The following SLC8A1 variants were observed in gnomAD, a reference collection of about 807,000 sequenced individuals.
SLC8A1 encodes the protein sodium/calcium exchanger 1.
In SLC8A1, 18 loss-of-function variants were observed where a neutral mutation model predicts 68.3. That is an observed-to-expected ratio of 0.26 (90% CI 0.18 to 0.39). The LOEUF (loss-of-function observed/expected upper bound fraction) is 0.39, where lower values mean the gene tolerates loss of function less well. SLC8A1 is among the 10% of genes least tolerant of loss of function. SLC8A1 has a pLI of 1.00. For synonymous variants in SLC8A1, 475 were observed against 415.5 expected (o/e 1.14, Z -1.74); for missense variants, 985 against 1,156.7 (o/e 0.85, Z 2.15).
chr2:40,186,075 T>A (rs1030872412), intron 2 of SLC8A1, among the ~76,000 whole-genome samples: 1 of 152,184 alleles, frequency 6.6e-6, no homozygotes, highest in South Asian at 2.1e-4. Flanking sequence ...TGGTGGCTGT[T>A]ACCTCAGGCT....
intron 4 of SLC8A1, among the ~76,000 whole-genome samples, chr2:40,166,093 G>A (rs2046505169): frequency 6.6e-6 from 1 of 152,136 alleles, no homozygotes; most frequent in South Asian, 2.1e-4. Flanking sequence ...GCAATAAAAG[G>A]GATGTTTGGT....
At chr2:40,384,179 C>G (rs1274102180) in intron 2 of SLC8A1, among the ~76,000 whole-genome samples, 1 of 151,952 alleles carries the variant, frequency 6.6e-6, no homozygotes, top group East Asian at 1.9e-4. Flanking sequence ...TCACATGAAT[C>G]CCAGGAGTTG....
chr2:40,251,873 C>CATTCAATATACATCGGGTATTATGAATA (rs1558958659), intron 2 of SLC8A1: 1 of 152,140 alleles, frequency 6.6e-6, no homozygotes, highest in Non-Finnish European at 1.5e-5. Flanking sequence ...TATTTTCATT[C>CATTCAATATACATCGGGTATTATGAATA]ATTCAATATA....
chr2:40,500,632 A>G (rs1223880025), intron 1 of SLC8A1, among the ~76,000 whole-genome samples: 4 of 151,966 alleles, frequency 2.6e-5, no homozygotes, highest in Admixed American at 6.6e-5. Flanking sequence ...GAGGCTTTTA[A>G]TTAGGGAAAA....
chr2:40,253,096 TATATAC>T, intron 2 of SLC8A1, among the ~76,000 whole-genome samples: 1 of 109,600 alleles, frequency 9.1e-6, no homozygotes, highest in African/African-American at 4.0e-5. Context: ...GTATATAGTA[TATATAC>T]ATATATACGT....
chr2:40,184,793 G>C (rs395987), intron 2 of SLC8A1, among the ~76,000 whole-genome samples: 112,525 of 151,078 alleles, frequency 0.74, 42,557 homozygotes, highest in Middle Eastern at 0.83. Flanking sequence ...AACCTGGCAA[G>C]TTCTCTGACC....
At chr2:40,377,437 C>T (rs1321880308) in intron 2 of SLC8A1, among the ~76,000 whole-genome samples, 3 of 152,040 alleles carry the variant, frequency 2.0e-5, no homozygotes, top group Non-Finnish European at 4.4e-5. Flanking sequence ...AGATAACAAA[C>T]GTATGTTGTT....
intron 1 of SLC8A1, among the ~76,000 whole-genome samples, chr2:40,449,161 C>A (rs1440970668): frequency 2.2e-4 from 30 of 137,108 alleles, no homozygotes; most frequent in African/African-American, 4.5e-4. Context: ...AAAAAAAAAA[C>A]AAAAAACAAA....
At chr2:40,260,704 T>C (rs2064579140) in intron 2 of SLC8A1, among the ~76,000 whole-genome samples, 1 of 151,732 alleles carries the variant, frequency 6.6e-6, no homozygotes, top group African/African-American at 2.4e-5. Context: ...GCTGAATTAT[T>C]GACCTTTCCT....
At chr2:40,410,485 T>C (rs1691771509) in intron 2 of SLC8A1, among the ~76,000 whole-genome samples, 1 of 152,104 alleles carries the variant, frequency 6.6e-6, no homozygotes, top group Non-Finnish European at 1.5e-5. Context: ...AGATAATCTA[T>C]TTGCAAATAT....
chr2:40,120,339 G>A (rs1487450136), intron 7 of SLC8A1, among the ~76,000 whole-genome samples: 1 of 152,132 alleles, frequency 6.6e-6, no homozygotes, highest in African/African-American at 2.4e-5. Context: ...AGACCTTGAC[G>A]TATTCGTTCA....
exon 8 of SLC8A1, chr2:40,110,005 T>C (rs150101814): frequency 6.6e-6 from 1 of 152,328 alleles, no homozygotes; most frequent in African/African-American, 2.4e-5. Flanking sequence ...GATTTAAATG[T>C]TTCTTACAAA....
chr2:40,133,777 T>C (rs2039932147), intron 7 of SLC8A1, among the ~76,000 whole-genome samples: 1 of 152,038 alleles, frequency 6.6e-6, no homozygotes, highest in Admixed American at 6.6e-5. Context: ...TCTATTTATT[T>C]GAATCCAATA....
At chr2:40,345,115 G>A (rs1355393360) in intron 2 of SLC8A1, among the ~76,000 whole-genome samples, 1 of 152,096 alleles carries the variant, frequency 6.6e-6, no homozygotes, top group African/African-American at 2.4e-5. Flanking sequence ...TTCCAGTCCT[G>A]TTTACTACTC....
chr2:40,291,421 C>T (rs1363787271), intron 2 of SLC8A1, among the ~76,000 whole-genome samples: 1 of 151,926 alleles, frequency 6.6e-6, no homozygotes, highest in Non-Finnish European at 1.5e-5. Context: ...GATAAGTTCC[C>T]CTGCTCATAT....
At chr2:40,139,431 C>T (rs1413555264) in exon 7 of SLC8A1, 14 of 1,614,098 alleles carry the variant, frequency 8.7e-6, no homozygotes, top group Non-Finnish European at 1.2e-5. Flanking sequence ...GCGACGAACA[C>T]GACTGCAGTC....
chr2:40,323,796 AG>A (rs1299578489), intron 2 of SLC8A1, among the ~76,000 whole-genome samples: 1 of 152,162 alleles, frequency 6.6e-6, no homozygotes, highest in East Asian at 1.9e-4. Context: ...TAAATGTTTA[AG>A]GGATATGAAG....
At chr2:40,262,617 C>T (rs1194688563) in intron 2 of SLC8A1, among the ~76,000 whole-genome samples, 1 of 152,178 alleles carries the variant, frequency 6.6e-6, no homozygotes, top group African/African-American at 2.4e-5. Context: ...TAAGGGTATG[C>T]ATTTATTCAT....
intron 2 of SLC8A1, among the ~76,000 whole-genome samples, chr2:40,302,073 G>GTGTGTGTGTGTGT (rs1211280078): frequency 1.4e-5 from 2 of 142,760 alleles, no homozygotes; most frequent in African/African-American, 5.4e-5. Context: ...GTGTGTGTGT[G>GTGTGTGTGTGTGT]TTTAGTAGAG....
Sources: allele counts gnomAD v4.1 joint callset (sites outside exome capture counted in the v4.1 genomes callset), GRCh38; gene constraint gnomAD v4.1.1; transcripts MANE v1.5; gene names NCBI Gene and HGNC (gene_info 2026-07-23, HGNC 2026-07-21).